The following FGF14 variants were observed in gnomAD, a reference collection of about 807,000 sequenced individuals.
FGF14 encodes the protein fibroblast growth factor homologous factor 4.
In FGF14, 5 loss-of-function variants were observed where a neutral mutation model predicts 25.5. That is an observed-to-expected ratio of 0.20 (90% CI 0.10 to 0.41). FGF14 has a LOEUF of 0.41. Ranked by LOEUF, FGF14 falls within the 10% of genes least tolerant of loss-of-function variation. The pLI, the probability that FGF14 is intolerant of heterozygous loss-of-function variation, is 1.00. For synonymous variants in FGF14, 138 were observed against 118.3 expected (o/e 1.17, Z -1.08); for missense variants, 222 against 320.1 (o/e 0.69, Z 2.34).
chr13:102,033,431 T>C (rs1368572247), intron 1 of FGF14, among the ~76,000 whole-genome samples: 2 of 152,200 alleles, frequency 1.3e-5, no homozygotes, highest in African/African-American at 4.8e-5. Flanking sequence ...GTTCTATATT[T>C]TAAAAGAACA....
intron 1 of FGF14, among the ~76,000 whole-genome samples, chr13:101,946,676 G>C (rs2035830290): frequency 6.6e-6 from 1 of 152,160 alleles, no homozygotes; most frequent in Non-Finnish European, 1.5e-5. Context: ...TAACATCCAG[G>C]AGGAAAACAG....
chr13:102,172,829 G>A (rs535929471), intron 1 of FGF14, among the ~76,000 whole-genome samples: 23 of 152,306 alleles, frequency 1.5e-4, no homozygotes, highest in African/African-American at 5.5e-4. Context: ...GAATTAGAGA[G>A]GTGGGGAGCC....
intron 1 of FGF14, among the ~76,000 whole-genome samples, chr13:102,223,846 G>T (rs553819339): frequency 6.6e-6 from 1 of 152,116 alleles, no homozygotes; most frequent in African/African-American, 2.4e-5. Context: ...CTGGATGACA[G>T]AGCAAGACGC....
chr13:101,843,518 T>C (rs1252946821), intron 3 of FGF14, among the ~76,000 whole-genome samples: 1 of 152,014 alleles, frequency 6.6e-6, no homozygotes, highest in African/African-American at 2.4e-5. Flanking sequence ...TATGGTTGAC[T>C]TTGAGTAACT....
chr13:102,230,063 T>C (rs1189202176), intron 1 of FGF14, among the ~76,000 whole-genome samples: 3 of 152,094 alleles, frequency 2.0e-5, no homozygotes, highest in Non-Finnish European at 2.9e-5. Context: ...AGGTGGGAAT[T>C]TGGGGAGGAG....
chr13:102,266,170 G>A (rs1174474235), intron 1 of FGF14, among the ~76,000 whole-genome samples: 2 of 152,108 alleles, frequency 1.3e-5, no homozygotes, highest in African/African-American at 4.8e-5. Flanking sequence ...CTTTACTTGG[G>A]GTGAGAAAAT....
chr13:102,129,531 A>G (rs1297968164), intron 1 of FGF14, among the ~76,000 whole-genome samples: 3 of 151,596 alleles, frequency 2.0e-5, no homozygotes, highest in African/African-American at 7.3e-5. Flanking sequence ...GACACGAATA[A>G]AGAAATGTAT....
rs997368774 is a variant in FGF14, at chr13:101,711,878, A to G, written c.*10953T>C. On this transcript the variant is annotated 3_prime_UTR_variant, in exon 5 of 5. Transcript: ENST00000376143. ...CTGTGGTGATGAACTATCTGCCCTA[A>G]AACTCCTGCCAAGATCAGCCAGCTG... 5.3e-5 allele frequency: 8 copies of G among 152,208 alleles called. No homozygotes were observed. Among genetic ancestry groups the G allele is most frequent in the African/African-American group, 1.9e-4 (8 of 41,422 alleles). The allele number at this position is 152,208 out of a possible 1,614,324, so 9.4% of individuals were successfully genotyped here.
chr13:101,878,343 C>T (rs1232715166), intron 1 of FGF14, among the ~76,000 whole-genome samples: 5 of 152,168 alleles, frequency 3.3e-5, no homozygotes, highest in Admixed American at 2.6e-4. Context: ...TCTATCAACA[C>T]GTCCATTTCC....
intron 1 of FGF14, among the ~76,000 whole-genome samples, chr13:102,164,634 T>C (rs934799275): frequency 2.6e-5 from 4 of 152,152 alleles, no homozygotes; most frequent in African/African-American, 9.7e-5. Context: ...CTACATAATC[T>C]TTGGGACAGA....
chr13:102,238,491 T>C (rs1247227716), intron 1 of FGF14, among the ~76,000 whole-genome samples: 1 of 152,218 alleles, frequency 6.6e-6, no homozygotes, highest in Non-Finnish European at 1.5e-5. Context: ...CATTTATATA[T>C]CTCACATCTC....
chr13:101,913,069 A>G (rs2033114301), intron 1 of FGF14, among the ~76,000 whole-genome samples: 1 of 152,248 alleles, frequency 6.6e-6, no homozygotes, highest in Non-Finnish European at 1.5e-5. Context: ...ATTGTATCCA[A>G]TAAATGAAGG....
intron 2 of FGF14, among the ~76,000 whole-genome samples, chr13:101,870,828 C>T (rs2140457846): frequency 6.6e-6 from 1 of 152,184 alleles, no homozygotes; most frequent in South Asian, 2.1e-4. Flanking sequence ...TGGGGCATGC[C>T]TGTAATCCCA....
rs920733845 is a variant in FGF14 at position 102,377,209 on chromosome 13, T to G, written c.208+24262A>C. On this transcript the variant is annotated intron_variant, in intron 1 of 4. Transcript: ENST00000376131. ...TTGACAGGACAGGCTATTTATAGTG[T>G]TCAGGTGTGAGCAGAATCACCAATA... 2.0e-5 allele frequency among the ~76,000 whole-genome samples: 3 copies of G among 152,176 alleles called. No individual in the cohort carries two copies. In the East Asian group the frequency reaches 5.8e-4, roughly 29 times the overall value.
intron 1 of FGF14, among the ~76,000 whole-genome samples, chr13:102,110,273 G>C (rs1001175655): frequency 3.9e-4 from 59 of 152,150 alleles, no homozygotes; most frequent in Non-Finnish European, 7.3e-5. Context: ...GCTGTGCACA[G>C]TGTTTGCCAT....
At chr13:101,992,944 A>G (rs1243157662) in intron 1 of FGF14, among the ~76,000 whole-genome samples, 1 of 152,074 alleles carries the variant, frequency 6.6e-6, no homozygotes, top group Non-Finnish European at 1.5e-5. Flanking sequence ...TCCCAGAATT[A>G]ACGATGGATG....
At chr13:102,260,821 T>G (rs2052682597) in intron 1 of FGF14, among the ~76,000 whole-genome samples, 1 of 152,238 alleles carries the variant, frequency 6.6e-6, no homozygotes, top group Non-Finnish European at 1.5e-5. Context: ...TTTCCGTGCT[T>G]AAAGTGTTCT....
chr13:101,723,429 A>T (rs1416224787), intron 4 of FGF14, among the ~76,000 whole-genome samples: 1 of 152,094 alleles, frequency 6.6e-6, no homozygotes, highest in Non-Finnish European at 1.5e-5. Flanking sequence ...ACATCCTAGA[A>T]CATTAAATTA....
At chr13:102,256,910 T>C (rs1372268458) in intron 1 of FGF14, among the ~76,000 whole-genome samples, 1 of 152,186 alleles carries the variant, frequency 6.6e-6, no homozygotes, top group Non-Finnish European at 1.5e-5. Flanking sequence ...GAATTGAAAA[T>C]ATGTTGAAAA....
Sources: allele counts gnomAD v4.1 joint callset (sites outside exome capture counted in the v4.1 genomes callset), GRCh38; gene constraint gnomAD v4.1.1; transcripts MANE v1.5; gene names NCBI Gene and HGNC (gene_info 2026-07-23, HGNC 2026-07-21).